EXPH5: variants seen among roughly 807,000 people sequenced by gnomAD.
EXPH5 encodes the protein exophilin 5, also known as exophilin-5.
Under a neutral mutation model 41.1 loss-of-function variants are expected in EXPH5, and 42 were observed. The ratio of observed to expected loss-of-function variants is 1.02; its 90% CI spans 0.80 to 1.32. The LOEUF (loss-of-function observed/expected upper bound fraction) is 1.32, where lower values mean the gene tolerates loss of function less well. Ranked by LOEUF, EXPH5 falls within the 40% of genes most tolerant of loss-of-function variation. EXPH5 has a pLI of 0.00. For missense variants in EXPH5, 2,298 were observed against 2,314.5 expected (o/e 0.99, Z 0.15); for synonymous variants, 798 against 833.5 (o/e 0.96, Z 0.73).
At chr11:108,536,263 G>C (rs1316572069) in intron 3 of EXPH5, among the ~76,000 whole-genome samples, 1 of 151,470 alleles carries the variant, frequency 6.6e-6, no homozygotes, top group East Asian at 1.9e-4. Context: ...TGAGGCAGAA[G>C]TGGTAAATCT....
chr11:108,581,415 T>G (rs1000668739), intron 1 of EXPH5, among the ~76,000 whole-genome samples: 5 of 152,164 alleles, frequency 3.3e-5, no homozygotes. Context: ...TTTGAGATTA[T>G]GAATATGCTA....
At position 108,573,198 on chromosome 11, in the gene EXPH5, A is replaced by AAAAG. The variant is rs144108239; in HGVS notation, c.119+20216_119+20219dup. On this transcript the variant is annotated intron_variant, in intron 1 of 5. Coordinates refer to ENST00000265843, the MANE Select transcript of EXPH5 (RefSeq NM_015065.3). ...AAAGAAAGAAAGAAAGAAAGAAAGAAAAAGAAAGAAAGAAAGAAAGAAAGG... is the reference window on the plus strand; with the variant it reads ...AAAGAAAGAAAGAAAGAAAGAAAGAAAAAGAAAGAAAGAAAGAAAGAAAGAAAGG... 6.3e-4 allele frequency among the ~76,000 whole-genome samples: 68 copies of AAAAG among 108,252 alleles called. 1 individual carries two copies. Among genetic ancestry groups the AAAAG allele is most frequent in the East Asian group, 1.4e-3 (5 of 3,606 alleles). 71.0% of individuals were successfully genotyped at this position (108,252 alleles called of 152,430 possible).
intron 1 of EXPH5, among the ~76,000 whole-genome samples, chr11:108,577,306 G>A (rs2094083043): frequency 6.6e-6 from 1 of 152,108 alleles, no homozygotes; most frequent in African/African-American, 2.4e-5. Context: ...GTAGTTTTTT[G>A]AGGAACCTCC....
At chr11:108,514,964 A>G (rs1344078650) in intron 5 of EXPH5, 89 bp from the exon 6 acceptor site, 1 of 673,372 alleles carries the variant, frequency 1.5e-6, no homozygotes, top group Non-Finnish European at 2.2e-6. Context: ...TTCAAGAAAC[A>G]TAATCATTTA....
chr11:108,527,735 T>C (rs1591692831), intron 4 of EXPH5, among the ~76,000 whole-genome samples: 1 of 152,208 alleles, frequency 6.6e-6, no homozygotes, highest in African/African-American at 2.4e-5. Flanking sequence ...ATCTCACCTA[T>C]GAGAGGCTTC....
intron 3 of EXPH5, among the ~76,000 whole-genome samples, chr11:108,531,780 C>T (rs2093839549): frequency 6.6e-6 from 1 of 152,222 alleles, no homozygotes; most frequent in South Asian, 2.1e-4. Flanking sequence ...TGAGATCCTA[C>T]TTGTCCAAAA....
chr11:108,557,194 T>A (rs960739121), intron 1 of EXPH5, among the ~76,000 whole-genome samples: 7 of 152,230 alleles, frequency 4.6e-5, no homozygotes, highest in African/African-American at 1.7e-4. Flanking sequence ...TTGGTTTACT[T>A]TTCTTTTTTT....
chr11:108,597,560 A>T (rs2094140551), upstream of EXPH5, among the ~76,000 whole-genome samples: 1 of 152,218 alleles, frequency 6.6e-6, no homozygotes, highest in South Asian at 2.1e-4. Context: ...GCTAAATTTA[A>T]AAATACTTGG....
chr11:108,522,634 C>T (rs2093772442), intron 4 of EXPH5, among the ~76,000 whole-genome samples: 2 of 152,136 alleles, frequency 1.3e-5, no homozygotes, highest in Non-Finnish European at 2.9e-5. Flanking sequence ...AAGCCAAACA[C>T]AGGTCATAGA....
At chr11:108,539,534 C>T (rs2852183) in intron 2 of EXPH5, among the ~76,000 whole-genome samples, 26,606 of 152,136 alleles carry the variant, frequency 0.17, 3,426 homozygotes, top group East Asian at 0.61. Flanking sequence ...GTTTTTATTT[C>T]AGTACCTTAA....
At chr11:108,598,174 A>T (rs533938151), upstream of EXPH5, among the ~76,000 whole-genome samples, 20 of 152,340 alleles carry the variant, frequency 1.3e-4, 1 homozygote, top group South Asian at 4.1e-3. Context: ...AACCTGAAGG[A>T]TAAGAAGCCA....
rs746281250 is a variant in EXPH5 at position 108,510,128 on chromosome 11, A to G, written c.5379T>C (p.Arg1793=). 6.2e-7 allele frequency: 1 copy of G among 1,613,826 alleles called. No homozygotes were observed. The highest frequency in any genetic ancestry group is 1.1e-5 in the South Asian group (1 of 91,044). The stretch of plus-strand genomic sequence containing the variant: ...CATTAATGCTTTTTAAACTCTTTGA[A>G]CGATAGAGGTGTGGCTCAGGTTCCC... ...LEWEPEPHLY[R]SKSLKSINVH... is the part of the protein sequence containing the mutation. Residue 1793 remains arginine (R), a synonymous_variant, in exon 6 of 6, where the codon CGT becomes CGC. Coordinates refer to ENST00000265843, the MANE Select transcript of EXPH5 (RefSeq NM_015065.3).
At chr11:108,601,357 C>G in the EXPH5 span, among the ~76,000 whole-genome samples, 18 of 152,216 alleles carry the variant, frequency 1.2e-4, no homozygotes, top group East Asian at 3.5e-3. Context: ...AGTTAATAGT[C>G]ATAGGAGAGA....
Position 108,512,065 on chromosome 11 carries a change from C to A in EXPH5, c.3442G>T (p.Asp1148Tyr). The A allele has an allele frequency of 6.2e-7, 1 of 1,608,968 alleles. No individual in the cohort carries two copies. Among genetic ancestry groups the A allele is most frequent in the Non-Finnish European group, 8.5e-7 (1 of 1,178,284 alleles). Reference sequence around the variant, plus strand: ...GCCCTTGGTGTTAGCTCAGAAGCATCCATGCCTGAGGTCAATGGCTTTTTT... The same window carrying A: ...GCCCTTGGTGTTAGCTCAGAAGCATACATGCCTGAGGTCAATGGCTTTTTT... ...GRKKPLTSGM[D>Y]ASELTPRAWE... Residue 1148 changes from aspartate to tyrosine, a missense_variant, in exon 6 of 6, where the codon GAT (aspartate) becomes TAT (tyrosine). Transcript: ENST00000265843.
intron 1 of EXPH5, among the ~76,000 whole-genome samples, chr11:108,565,013 C>A (rs2094028709): frequency 6.7e-6 from 1 of 148,204 alleles, no homozygotes. Flanking sequence ...TGAAGCTATT[C>A]TCCTGCCTCG....
Position 108,518,268 on chromosome 11 carries a change from C to T in EXPH5, c.598G>A (p.Asp200Asn), listed in dbSNP as rs1565786549. ...REESGMPPPWDASLLENEFFQ... is the reference protein window; with the variant it reads ...REESGMPPPWNASLLENEFFQ... ...AACTCATTCTCCAGCAGTGAAGCAT[C>T]CCACGGTGGAGGCATGCCACTCTCC... The change falls in exon 5 of 6, where the codon GAT becomes AAT. Residue 200 changes from aspartate to asparagine, a missense_variant. By Grantham distance (23) the Asp-to-Asn change is conservative. Transcript: ENST00000265843. 5 of 1,613,920 alleles carry T rather than the reference C, an allele frequency of 3.1e-6. No homozygotes were observed. Among genetic ancestry groups the T allele is most frequent in the Non-Finnish European group, 4.2e-6 (5 of 1,179,878 alleles).
Position 108,510,460 on chromosome 11 carries a change from G to T in EXPH5, c.5047C>A (p.Pro1683Thr), listed in dbSNP as rs762074616. 25 of 1,613,970 alleles carry T rather than the reference G, an allele frequency of 1.5e-5. No individual in the cohort carries two copies. Among genetic ancestry groups the T allele is most frequent in the South Asian group, 3.3e-5 (3 of 91,074 alleles). The change falls in exon 6 of 6, where the codon CCT becomes ACT. Residue 1683 changes from proline to threonine, a missense_variant. By Grantham distance (38) the Pro-to-Thr change is conservative. Coordinates refer to ENST00000265843, the MANE Select transcript of EXPH5 (RefSeq NM_015065.3). ...TTCTGGTTGCTGACGTGTGTAGAAG[G>T]TTCTCTGTTGGGTAGTACAGTAATG... The part of the protein sequence containing the change: ...LPITVLPNRE[P>T]STHVSNQKSN...
chr11:108,540,906 TA>T (rs1188374923), intron 2 of EXPH5, among the ~76,000 whole-genome samples: 4 of 140,932 alleles, frequency 2.8e-5, no homozygotes, highest in African/African-American at 5.1e-5. Context: ...AATATTCTAT[TA>T]TTTTTTTTTT....
chr11:108,577,967 T>G (rs560289483), intron 1 of EXPH5, among the ~76,000 whole-genome samples: 63 of 152,302 alleles, frequency 4.1e-4, no homozygotes, highest in Non-Finnish European at 7.2e-4. Flanking sequence ...AGCTTGCAAA[T>G]ATTTTCTCTC....
Sources: allele counts gnomAD v4.1 joint callset (sites outside exome capture counted in the v4.1 genomes callset), GRCh38; gene constraint gnomAD v4.1.1; transcripts MANE v1.5; gene names NCBI Gene and HGNC (gene_info 2026-07-23, HGNC 2026-07-21).